The following ZNF354A variants were observed in gnomAD, a reference collection of about 807,000 sequenced individuals.
ZNF354A encodes the protein epididymis luminal protein 104.
Under a neutral mutation model 53.3 loss-of-function variants are expected in ZNF354A, and 25 were observed. The ratio of observed to expected loss-of-function variants is 0.47; its 90% CI spans 0.34 to 0.66. The LOEUF (loss-of-function observed/expected upper bound fraction) is 0.66, where lower values mean the gene tolerates loss of function less well. ZNF354A is among the 30% of genes least tolerant of loss of function. ZNF354A has a pLI of 0.01. For synonymous variants in ZNF354A, 228 were observed against 249.0 expected (o/e 0.92, Z 0.79); for missense variants, 586 against 716.8 (o/e 0.82, Z 2.08).
intron 3 of ZNF354A, chr5:178,726,014 T>C (rs942984570): frequency 8.9e-6 from 3 of 335,476 alleles, no homozygotes; most frequent in African/African-American, 6.5e-5. Context: ...CGCCTAAGTT[T>C]TGTATTTTCA....
Position 178,713,489 on chromosome 5 carries a change from C to A in ZNF354A, c.389G>T (p.Gly130Val). The change falls in exon 5 of 5, where the codon GGC (glycine) becomes GTC (valine). Residue 130 changes from glycine to valine, a missense_variant. Physicochemically the swap from Gly to Val is moderately radical, Grantham distance 109. Coordinates refer to ENST00000335815, the MANE Select transcript of ZNF354A (RefSeq NM_005649.3). Reference protein sequence around the residue: ...LKLEKPYIYEGRLEKKQDKKG... With the variant: ...LKLEKPYIYEVRLEKKQDKKG... ...TTTATCCTGCTTTTTCTCTAATCTGCCTTCATATATGTAAGGCTTTTCTAA... is the reference window on the plus strand; with the variant it reads ...TTTATCCTGCTTTTTCTCTAATCTGACTTCATATATGTAAGGCTTTTCTAA... 6.2e-7 allele frequency: 1 copy of A among 1,613,790 alleles called. No homozygotes were observed. Among genetic ancestry groups the A allele is most frequent in the South Asian group, 1.1e-5 (1 of 91,050 alleles).
In ZNF354A at chr5:178,712,014, T is replaced by C; in HGVS notation, c.*46A>G. ...TTACATCTCTCTCAAGGATGTATTC[T>C]TCGATGAGCTTTGGTTTAAGGCTTT... On this transcript the variant is annotated 3_prime_UTR_variant, in exon 5 of 5. Coordinates refer to ENST00000335815, the MANE Select transcript of ZNF354A (RefSeq NM_005649.3). The C allele has an allele frequency of 6.6e-7, 1 of 1,522,396 alleles. No homozygotes were observed. Among genetic ancestry groups the C allele is most frequent in the Non-Finnish European group, 8.8e-7 (1 of 1,139,326 alleles). The allele number at this position is 1,522,396 out of a possible 1,614,324, so 94.3% of individuals were successfully genotyped here.
At chr5:178,718,046 T>C (rs1180820812) in intron 4 of ZNF354A, among the ~76,000 whole-genome samples, 5 of 152,116 alleles carry the variant, frequency 3.3e-5, no homozygotes, top group Admixed American at 3.3e-4. Flanking sequence ...AAATGTGACA[T>C]GGGGAGCTTT....
chr5:178,719,904 G>A (rs968721689), intron 4 of ZNF354A, among the ~76,000 whole-genome samples: 43 of 150,708 alleles, frequency 2.9e-4, no homozygotes, highest in African/African-American at 9.8e-4. Flanking sequence ...CCGAGATCCC[G>A]CCACCGCACT....
intron 4 of ZNF354A, among the ~76,000 whole-genome samples, chr5:178,720,116 T>C (rs1336881456): frequency 2.6e-5 from 4 of 152,188 alleles, no homozygotes; most frequent in Non-Finnish European, 5.9e-5. Context: ...AGAAAAGCTG[T>C]TTTAGAAATG....
chr5:178,711,882 G>T lies in ZNF354A; in HGVS notation c.*178C>A. On this transcript the variant is annotated 3_prime_UTR_variant, in exon 5 of 5. Transcript: ENST00000335815. ...GGTTATTTTTTTAAGTGTCTGACAG[G>T]CACAAACACTTTCCTCATATCTATT... 2 of 640,902 alleles carry T rather than the reference G, an allele frequency of 3.1e-6. No homozygotes were observed. Among genetic ancestry groups the T allele is most frequent in the Non-Finnish European group, 2.4e-6 (1 of 420,844 alleles). The allele number at this position is 640,902 out of a possible 1,614,324, so 39.7% of individuals were successfully genotyped here.
At chr5:178,725,322 T>C in intron 4 of ZNF354A, 54 bp downstream of exon 4, 2 of 1,559,008 alleles carry the variant, frequency 1.3e-6, no homozygotes, top group Non-Finnish European at 1.8e-6. Flanking sequence ...CTACCTCCTC[T>C]CATTAACCAG....
chr5:178,713,984 G>GTT (rs35809830), intron 4 of ZNF354A, among the ~76,000 whole-genome samples: 31,970 of 141,492 alleles, frequency 0.23, 4,153 homozygotes, highest in South Asian at 0.38. Flanking sequence ...ATTTTTTTTT[G>GTT]TTTTTTTTTT....
intron 4 of ZNF354A, among the ~76,000 whole-genome samples, chr5:178,716,653 T>C (rs920905142): frequency 3.3e-5 from 5 of 152,122 alleles, no homozygotes; most frequent in African/African-American, 1.2e-4. Context: ...GTCATGTGGA[T>C]AGCTGAAGAA....
At position 178,713,368 on chromosome 5, in the gene ZNF354A, T is replaced by C. The variant is rs765352230; in HGVS notation, c.510A>G (p.Pro170=). The part of the protein sequence containing the change: ...KNTELSQNFS[P]KSVLIRQQIL... ...TCTGTTGCCTAATAAGCACTGACTT[T>C]GGGCTGAAGTTTTGGCTCAATTCAG... The change falls in exon 5 of 5, where the codon CCA becomes CCG. Residue 170 remains proline, a synonymous_variant. Transcript: ENST00000335815. 3 of 1,614,058 alleles carry C rather than the reference T, an allele frequency of 1.9e-6. No homozygotes were observed. Among genetic ancestry groups the C allele is most frequent in the Non-Finnish European group, 2.5e-6 (3 of 1,180,034 alleles).
chr5:178,722,347 G>A (rs1379291810), intron 4 of ZNF354A, among the ~76,000 whole-genome samples: 1 of 152,176 alleles, frequency 6.6e-6, no homozygotes, highest in East Asian at 1.9e-4. Flanking sequence ...TCGCCACTGG[G>A]ATAACTAGGT....
At chr5:178,717,073 A>C (rs1765728987) in intron 4 of ZNF354A, among the ~76,000 whole-genome samples, 1 of 116,824 alleles carries the variant, frequency 8.6e-6, no homozygotes. Flanking sequence ...GTGAGACTCC[A>C]TCTCAAAAAA....
rs780206105 is a variant in ZNF354A at position 178,713,469 on chromosome 5, CCTG to C, written c.406_408del (p.Gln136del). On this transcript the variant is annotated inframe_deletion, in exon 5 of 5. Transcript: ENST00000335815. ...ACTATCTGAAAACTTCCCTTTTTAT[CCTG>C]CTTTTTCTCTAATCTGCCTTCATAT... The C allele has an allele frequency of 4.3e-6, 7 of 1,613,672 alleles. No individual in the cohort carries two copies. The highest frequency in any genetic ancestry group is 5.9e-6 in the Non-Finnish European group (7 of 1,179,942).
At chr5:178,729,872 G>GCTTCTTTTTTTTTTTTTTTTTTT (rs746292908) in intron 1 of ZNF354A, among the ~76,000 whole-genome samples, 1 of 143,338 alleles carries the variant, frequency 7.0e-6, no homozygotes. Flanking sequence ...CTAACACGAT[G>GCTTCTTTTTTTTTTTTTTTTTTT]TTTCTTTTTT....
At chr5:178,729,556 CTTTT>C (rs113489869) in intron 1 of ZNF354A, among the ~76,000 whole-genome samples, 2 of 146,626 alleles carry the variant, frequency 1.4e-5, no homozygotes, top group African/African-American at 2.5e-5. Context: ...CGGAAAACGG[CTTTT>C]TTTTTTTTGA....
chr5:178,727,837 G>C (rs975276802), intron 2 of ZNF354A, among the ~76,000 whole-genome samples: 2 of 150,634 alleles, frequency 1.3e-5, no homozygotes, highest in Non-Finnish European at 3.0e-5. Flanking sequence ...CTGACCAGCT[G>C]TGTGACTTGT....
intron 4 of ZNF354A, among the ~76,000 whole-genome samples, chr5:178,719,241 C>T: frequency 6.6e-6 from 1 of 152,154 alleles, no homozygotes; most frequent in East Asian, 1.9e-4. Context: ...TCCACAGTTC[C>T]CTACGGATCC....
chr5:178,725,933 C>T (rs1430544032), intron 3 of ZNF354A: 3 of 269,696 alleles, frequency 1.1e-5, no homozygotes, highest in East Asian at 9.8e-5. Context: ...CTGCAACCTC[C>T]GTCTCCCGGG....
chr5:178,714,215 G>A (rs1765676059), intron 4 of ZNF354A, among the ~76,000 whole-genome samples: 1 of 152,064 alleles, frequency 6.6e-6, no homozygotes, highest in Admixed American at 6.5e-5. Context: ...GTGTTGGCCA[G>A]GCTGGCCTTG....
Sources: allele counts gnomAD v4.1 joint callset (sites outside exome capture counted in the v4.1 genomes callset), GRCh38; gene constraint gnomAD v4.1.1; transcripts MANE v1.5; gene names NCBI Gene and HGNC (gene_info 2026-07-23, HGNC 2026-07-21).